The following CDH12 variants were observed in gnomAD, a reference collection of about 807,000 sequenced individuals.
The protein encoded by CDH12 is cadherin 12, also known as cadherin-12.
In CDH12, 41 loss-of-function variants were observed where a neutral mutation model predicts 74.1. The ratio of observed to expected loss-of-function variants is 0.55; its 90% CI spans 0.43 to 0.72. The LOEUF is 0.72. CDH12 is among the 30% of genes least tolerant of loss of function. The pLI is 0.00. For synonymous variants in CDH12, 399 were observed against 355.0 expected (o/e 1.12, Z -1.39); for missense variants, 945 against 977.2 (o/e 0.97, Z 0.44).
At chr5:22,232,602 T>C (rs1752421516) in intron 3 of CDH12, among the ~76,000 whole-genome samples, 1 of 151,656 alleles carries the variant, frequency 6.6e-6, no homozygotes, top group Non-Finnish European at 1.5e-5. Context: ...TGATTTGGTA[T>C]TGAAATATGG....
At chr5:22,201,485 T>C (rs1245932699) in intron 4 of CDH12, among the ~76,000 whole-genome samples, 1 of 152,070 alleles carries the variant, frequency 6.6e-6, no homozygotes, top group African/African-American at 2.4e-5. Flanking sequence ...CAAATGAACA[T>C]AGATTATGAA....
At chr5:21,851,675 A>G (rs1750475883) in intron 7 of CDH12, among the ~76,000 whole-genome samples, 2 of 151,282 alleles carry the variant, frequency 1.3e-5, no homozygotes, top group South Asian at 4.1e-4. Flanking sequence ...AACAATTGTC[A>G]AATACACTGA....
At chr5:22,417,423 C>A (rs1189070031) in intron 2 of CDH12, among the ~76,000 whole-genome samples, 2 of 152,194 alleles carry the variant, frequency 1.3e-5, no homozygotes. Flanking sequence ...TCAGCCTCAT[C>A]CAGCCTCTTT....
chr5:22,567,264 A>G (rs752942093), intron 1 of CDH12, among the ~76,000 whole-genome samples: 1 of 152,098 alleles, frequency 6.6e-6, no homozygotes, highest in Non-Finnish European at 1.5e-5. Context: ...TTGTCCATAA[A>G]AGATGCTAAA....
chr5:22,308,040 C>G (rs2150425332), intron 3 of CDH12, among the ~76,000 whole-genome samples: 1 of 151,576 alleles, frequency 6.6e-6, no homozygotes, highest in African/African-American at 2.4e-5. Flanking sequence ...GCCACCACGC[C>G]CGGCTAATTT....
chr5:21,865,813 G>C (rs1038209986), intron 6 of CDH12, among the ~76,000 whole-genome samples: 1 of 152,140 alleles, frequency 6.6e-6, no homozygotes, highest in Non-Finnish European at 1.5e-5. Context: ...ACTCACCCCA[G>C]ACAGCCCCAG....
chr5:22,679,402 C>T (rs1445458898), intron 1 of CDH12, among the ~76,000 whole-genome samples: 1 of 152,020 alleles, frequency 6.6e-6, no homozygotes, highest in Admixed American at 6.6e-5. Context: ...AGTGTTCTTT[C>T]ACTACATAGT....
chr5:22,326,515 G>A (rs1211485180), intron 3 of CDH12, among the ~76,000 whole-genome samples: 1 of 152,184 alleles, frequency 6.6e-6, no homozygotes, highest in Admixed American at 6.5e-5. Context: ...GATTACAGGC[G>A]TGAGCCACCG....
rs545386988 is a variant in CDH12 at position 21,763,028 on chromosome 5, A to G, written c.1515+1950T>C. On this transcript the variant is annotated intron_variant, in intron 12 of 14. Transcript: ENST00000382254. ...ATATTTTTGTAGCACCTAGGATTTC[A>G]GAAACTAAAGAAAGCTGCAGGCTCA... Among the ~76,000 whole-genome samples the G allele has an allele frequency of 1.3e-4, 20 of 152,288 alleles. No homozygotes were observed. In the East Asian group the frequency reaches 3.9e-3, roughly 29 times the overall value.
At chr5:22,627,844 C>T (rs1056280886) in intron 1 of CDH12, among the ~76,000 whole-genome samples, 2 of 152,026 alleles carry the variant, frequency 1.3e-5, no homozygotes, top group Non-Finnish European at 2.9e-5. Flanking sequence ...AGACACCCAT[C>T]TCACATGCAA....
At chr5:22,016,596 G>C (rs1737622355) in intron 5 of CDH12, among the ~76,000 whole-genome samples, 1 of 151,990 alleles carries the variant, frequency 6.6e-6, no homozygotes, top group Admixed American at 6.6e-5. Context: ...ATGTTGGCCA[G>C]GATGATCTCA....
intron 1 of CDH12, among the ~76,000 whole-genome samples, chr5:22,529,663 A>G (rs182348759): frequency 1.3e-5 from 2 of 152,272 alleles, no homozygotes; most frequent in East Asian, 1.9e-4. Flanking sequence ...ATAATGTTTA[A>G]CTAAATGTCT....
chr5:21,826,313 T>C (rs1302271856), intron 8 of CDH12, among the ~76,000 whole-genome samples: 1 of 152,186 alleles, frequency 6.6e-6, no homozygotes, highest in African/African-American at 2.4e-5. Context: ...TAGATGAAGA[T>C]TCTCCTACTA....
chr5:21,905,987 A>G (rs1184536130), intron 6 of CDH12, among the ~76,000 whole-genome samples: 2 of 152,200 alleles, frequency 1.3e-5, no homozygotes, highest in Non-Finnish European at 2.9e-5. Flanking sequence ...TATTTAGAAG[A>G]AAAGAAGGAA....
intron 4 of CDH12, among the ~76,000 whole-genome samples, chr5:22,085,020 A>G (rs1742972945): frequency 6.6e-6 from 1 of 152,210 alleles, no homozygotes; most frequent in African/African-American, 2.4e-5. Context: ...CACCAGAAGT[A>G]GGTTGTATTC....
chr5:21,817,120 A>C lies in CDH12; in HGVS notation c.827T>G (p.Leu276Trp). The change falls in exon 9 of 15, where the codon TTG becomes TGG. Residue 276 changes from leucine (L) to tryptophan (W), a missense_variant. Transcript: ENST00000382254. ...AATAGGGGAAGACTCAGGAACTTTCAAGTGGAAGATGCCTGATAAGACATA... is the reference window on the plus strand; with the variant it reads ...AATAGGGGAAGACTCAGGAACTTTCCAGTGGAAGATGCCTGATAAGACATA... Reference protein sequence around the residue: ...PPRFPKSIFHLKVPESSPIGS... With the variant: ...PPRFPKSIFHWKVPESSPIGS... 1.2e-6 allele frequency: 2 copies of C among 1,608,442 alleles called. No individual in the cohort carries two copies. The highest frequency in any genetic ancestry group is 1.7e-6 in the Non-Finnish European group (2 of 1,177,124).
At chr5:22,466,776 C>CTTTTTTTTTTTTTTT (rs70959733) in intron 2 of CDH12, among the ~76,000 whole-genome samples, 2 of 50,994 alleles carry the variant, frequency 3.9e-5, no homozygotes, top group Admixed American at 3.4e-4. Flanking sequence ...CCTCAGGAAT[C>CTTTTTTTTTTTTTTT]TTTTTTTTTT....
intron 5 of CDH12, among the ~76,000 whole-genome samples, chr5:22,044,262 A>G (rs761304711): frequency 9.2e-5 from 14 of 152,328 alleles, no homozygotes; most frequent in Non-Finnish European, 1.3e-4. Context: ...TGGAGAATGT[A>G]TTAGTCCATT....
chr5:22,727,611 G>A (rs765000537), intron 1 of CDH12, among the ~76,000 whole-genome samples: 2 of 151,552 alleles, frequency 1.3e-5, no homozygotes, highest in Middle Eastern at 3.2e-3. Context: ...GTTCCTTTAG[G>A]AGAATAGTAT....
Sources: gnomAD v4.1 joint callset for allele counts (sites outside exome capture counted in the v4.1 genomes callset) on GRCh38, gnomAD v4.1.1 for gene constraint, MANE v1.5 for transcripts, NCBI Gene and HGNC (gene_info 2026-07-23, HGNC 2026-07-21) for gene names.